PFKL: variants seen among roughly 807,000 people sequenced by gnomAD.
The protein encoded by PFKL is ATP-dependent 6-phosphofructokinase, liver type.
In PFKL, 74 loss-of-function variants were observed where a neutral mutation model predicts 92.1. The ratio of observed to expected loss-of-function variants is 0.80; its 90% CI spans 0.67 to 0.97. PFKL has a LOEUF of 0.97. Ranked by LOEUF, PFKL falls within the 50% of genes least tolerant of loss-of-function variation. The pLI is 0.00. For missense variants in PFKL, 1,028 were observed against 1,116.6 expected (o/e 0.92, Z 1.13); for synonymous variants, 494 against 456.4 (o/e 1.08, Z -1.05).
chr21:44,322,431 C>G (rs2047380954), intron 14 of PFKL, among the ~76,000 whole-genome samples: 1 of 152,222 alleles, frequency 6.6e-6, no homozygotes, highest in South Asian at 2.1e-4. Context: ...ATGGTGGGCT[C>G]TCCGTGGCAA....
At chr21:44,310,157 C>T (rs1028604497) in intron 2 of PFKL, among the ~76,000 whole-genome samples, 1 of 152,250 alleles carries the variant, frequency 6.6e-6, no homozygotes, top group African/African-American at 2.4e-5. Context: ...CCCTTCTCCT[C>T]TCCACACCCT....
In PFKL at chr21:44,326,951, G is replaced by A; in HGVS notation, c.*89G>A. On this transcript the variant is annotated 3_prime_UTR_variant, in exon 22 of 22. Coordinates refer to ENST00000349048, the MANE Select transcript of PFKL (RefSeq NM_002626.6). ...TGGGGCCTGGGCTGTTGTGTCTGGA[G>A]CCTGCAGGCAGGTGGGGGCTGCGTC... The A allele has an allele frequency of 7.8e-7, 1 of 1,282,200 alleles. No homozygotes were observed. Among genetic ancestry groups the A allele is most frequent in the Non-Finnish European group, 1.1e-6 (1 of 911,976 alleles). 79.4% of individuals were successfully genotyped at this position (1,282,200 alleles called of 1,614,324 possible).
At chr21:44,305,376 G>C (rs1428177756) in intron 1 of PFKL, 3 of 1,364,158 alleles carry the variant, frequency 2.2e-6, no homozygotes, top group Non-Finnish European at 2.9e-6. Flanking sequence ...GGGTCTCCAT[G>C]TTCAAGGGAG....
chr21:44,300,930 C>T (rs550533938), intron 1 of PFKL, among the ~76,000 whole-genome samples: 58 of 152,298 alleles, frequency 3.8e-4, no homozygotes, highest in Non-Finnish European at 7.4e-4. Context: ...TCCAGTGTGG[C>T]ACCTGTGGCA....
chr21:44,316,581 G>A, intron 9 of PFKL, 57 bp downstream of exon 9: 1 of 1,358,546 alleles, frequency 7.4e-7, no homozygotes, highest in Non-Finnish European at 1.0e-6. Context: ...GTGTGTGGGT[G>A]TGGGTGTGGG....
chr21:44,311,593 C>T (rs2047049747), intron 3 of PFKL, among the ~76,000 whole-genome samples: 2 of 152,208 alleles, frequency 1.3e-5, no homozygotes, highest in Non-Finnish European at 2.9e-5. Flanking sequence ...CATCTGCTGC[C>T]ATGGAATTGT....
chr21:44,321,702 C>CCCTTCTCTCTG, intron 12 of PFKL, 27 bp from the exon 13 acceptor site: 1 of 1,521,462 alleles, frequency 6.6e-7, no homozygotes. Context: ...GGCTGTGCCT[C>CCCTTCTCTCTG]ACGCTCATCT....
At chr21:44,318,632 C>T in intron 10 of PFKL, 37 bp downstream of exon 10, 3 of 1,433,220 alleles carry the variant, frequency 2.1e-6, no homozygotes, top group African/African-American at 1.4e-5. Flanking sequence ...ACCGCCTGGC[C>T]CCTCTCCCCA....
intron 7 of PFKL, chr21:44,314,277 C>A: frequency 1.9e-6 from 1 of 523,596 alleles, no homozygotes; most frequent in Non-Finnish European, 3.4e-6. Flanking sequence ...AGGCTCAGCC[C>A]CGTGGTCAGT....
At chr21:44,316,012 C>T (rs550335991) in intron 7 of PFKL, 27 of 559,794 alleles carry the variant, frequency 4.8e-5, no homozygotes, top group Admixed American at 4.6e-4. Flanking sequence ...CCCAGGCTTT[C>T]GGGCAGAGCC....
rs945997178 is a variant in PFKL, at chr21:44,324,759, C to T, written c.1816-97C>T. On this transcript the variant is annotated intron_variant, in intron 17 of 21. Transcript: ENST00000349048. ...CAGGGCAGGGCCCGGGCAGGTGGGA[C>T]GCGTAGCCCAGTGCTCCTGCTGGCC... 4.3e-5 allele frequency: 67 copies of T among 1,565,878 alleles called. 1 individual carries two copies. The highest frequency in any genetic ancestry group is 4.2e-4 in the South Asian group (37 of 87,266).
At chr21:44,314,381 T>C (rs1010927926) in intron 7 of PFKL, 2 of 254,252 alleles carry the variant, frequency 7.9e-6, no homozygotes, top group Non-Finnish European at 7.6e-6. Context: ...CCCAGCAAGG[T>C]CCAGACGGCA....
intron 1 of PFKL, among the ~76,000 whole-genome samples, chr21:44,303,084 A>G (rs1000648597): frequency 6.6e-6 from 1 of 152,070 alleles, no homozygotes; most frequent in Non-Finnish European, 1.5e-5. Flanking sequence ...AATACAAAAA[A>G]TTAGCTGGGC....
intron 11 of PFKL, 71 bp downstream of exon 11, chr21:44,319,486 T>C (rs2047303711): frequency 2.3e-6 from 3 of 1,300,382 alleles, no homozygotes; most frequent in Non-Finnish European, 3.4e-6. Context: ...TGTGCTGCAG[T>C]GGCGCTATGC....
chr21:44,322,113 G>T lies in PFKL; in HGVS notation c.1339-20G>T. On this transcript the variant is annotated intron_variant, in intron 13 of 21. Transcript: ENST00000349048. Reference sequence around the variant, plus strand: ...CCAGAGGCTCAGGCTGGCCCCTGAAGCTGCATCTCCTCCTGGCAGGTGCAA... The same window carrying T: ...CCAGAGGCTCAGGCTGGCCCCTGAATCTGCATCTCCTCCTGGCAGGTGCAA... 1 of 1,598,860 alleles carries T rather than the reference G, an allele frequency of 6.3e-7. No individual in the cohort carries two copies.
intron 2 of PFKL, among the ~76,000 whole-genome samples, chr21:44,307,592 C>T (rs2040989462): frequency 6.6e-6 from 1 of 152,266 alleles, no homozygotes; most frequent in African/African-American, 2.4e-5. Context: ...TGACCACTCA[C>T]CGCCCTGGGT....
At chr21:44,318,414 T>C (rs971142463) in intron 9 of PFKL, 56 bp from the exon 10 acceptor site, 7 of 1,396,582 alleles carry the variant, frequency 5.0e-6, no homozygotes, top group Non-Finnish European at 6.6e-6. Flanking sequence ...AGGATGGGCA[T>C]GTGGCTTGGG....
rs1384149381 is a variant in PFKL, at chr21:44,319,416, G to A, written c.1127+1G>A. 1.2e-6 allele frequency: 2 copies of A among 1,612,778 alleles called. No individual in the cohort carries two copies. Among genetic ancestry groups the A allele is most frequent in the Non-Finnish European group, 1.7e-6 (2 of 1,179,160 alleles). On this transcript the variant is annotated splice_donor_variant, in intron 11 of 21. Coordinates refer to ENST00000349048, the MANE Select transcript of PFKL (RefSeq NM_002626.6). LOFTEE classifies it high-confidence loss of function. The stretch of plus-strand genomic sequence containing the variant: ...ACGAGGCCACCCAGCTCCGTGGTGG[G>A]TAAGCCCCCTCAGCAGACCCCTGCA...
chr21:44,324,021 G>T (rs542203476), intron 16 of PFKL, 103 bp downstream of exon 16: 99 of 1,373,652 alleles, frequency 7.2e-5, no homozygotes, highest in Non-Finnish European at 9.8e-5. Flanking sequence ...GAGCACCTGG[G>T]AGGGCTGCCA....
Sources: allele counts gnomAD v4.1 joint callset (sites outside exome capture counted in the v4.1 genomes callset), GRCh38; gene constraint gnomAD v4.1.1; transcripts MANE v1.5; gene names NCBI Gene and HGNC (gene_info 2026-07-23, HGNC 2026-07-21).